The following RPL12 variants were observed in gnomAD, a reference collection of about 807,000 sequenced individuals.
RPL12 encodes ribosomal protein L12.
In RPL12, 10 loss-of-function variants were observed where a neutral mutation model predicts 24.5. The observed-to-expected ratio is 0.41, with a 90% CI of 0.25 to 0.69. The LOEUF is 0.69. RPL12 is among the 30% of genes least tolerant of loss of function. The pLI is 0.33. For missense variants in RPL12, 137 were observed against 205.3 expected, an observed-to-expected ratio of 0.67 and a Z score of 2.03; for synonymous variants, 74 against 76.1, an observed-to-expected ratio of 0.97 and a Z score of 0.14.
At chr9:127,450,910 C>G in intron 1 of RPL12, 106 bp from the exon 2 acceptor site, 1 of 895,024 alleles carries the variant, frequency 1.1e-6, no homozygotes. Flanking sequence ...CTTCTCGAAA[C>G]AGCACAGAGC....
chr9:127,449,235 T>C (rs1834226324), intron 4 of RPL12, 46 bp downstream of exon 4: 1 of 1,507,892 alleles, frequency 6.6e-7, no homozygotes, highest in Non-Finnish European at 9.2e-7. Flanking sequence ...ATATCAAACA[T>C]CTCACAAACC....
At chr9:127,451,145 G>A in intron 1 of RPL12, 136 bp downstream of exon 1, 1 of 1,207,306 alleles carries the variant, frequency 8.3e-7, no homozygotes, top group Non-Finnish European at 1.2e-6. Flanking sequence ...GCTGAGGCTT[G>A]GCCGGGGCGG....
At chr9:127,448,248 CACTG>C in intron 5 of RPL12, 85 bp downstream of exon 5, 2 of 1,160,164 alleles carry the variant, frequency 1.7e-6, no homozygotes, top group Non-Finnish European at 1.3e-6. Flanking sequence ...TCTTGGGTCT[CACTG>C]AGCACCCTTC....
chr9:127,449,136 A>C, intron 4 of RPL12, 145 bp downstream of exon 4: 1 of 635,060 alleles, frequency 1.6e-6, no homozygotes, highest in Non-Finnish European at 2.7e-6. Context: ...GCACTTTTTC[A>C]TACTACCTGG....
intron 1 of RPL12, 84 bp from the exon 2 acceptor site, chr9:127,450,888 C>T: frequency 2.9e-6 from 3 of 1,028,042 alleles, no homozygotes; most frequent in Non-Finnish European, 4.4e-6. Context: ...TTGGACACGC[C>T]ACCCTCTGCC....
chr9:127,450,427 TAC>T (rs1355113735), intron 2 of RPL12: 1 of 318,952 alleles, frequency 3.1e-6, no homozygotes, highest in African/African-American at 2.2e-5. Flanking sequence ...GACGAGGAAA[TAC>T]AGATGTTGGC....
rs563129391 is a variant in RPL12 at position 127,448,042 on chromosome 9, C to T, written c.380-53G>A. Reference sequence around the variant, plus strand: ...AGGTGCTGGCTCAGTCCCTCACAATCTGCAGATACTGGGGAATACTGAAGG... The same window carrying T: ...AGGTGCTGGCTCAGTCCCTCACAATTTGCAGATACTGGGGAATACTGAAGG... On this transcript the variant is annotated intron_variant, in intron 5 of 6. Coordinates refer to ENST00000361436, the MANE Select transcript of RPL12 (RefSeq NM_000976.4). 5.8e-6 allele frequency: 9 copies of T among 1,550,278 alleles called. No homozygotes were observed. The African/African-American group carries it at 1.1e-4, about 19-fold the overall frequency.
At position 127,451,369 on chromosome 9, in the gene RPL12, G is replaced by A. The variant is rs3808833; in HGVS notation, c.-52C>T. 4.3e-3 allele frequency: 6,839 copies of A among 1,608,932 alleles called. 197 individuals carry two copies. In the East Asian group the frequency reaches 0.074, roughly 17 times the overall value. On this transcript the variant is annotated 5_prime_UTR_variant, in exon 1 of 7. Transcript: ENST00000361436. ...CCCGGATTCGGGACGACCGAAGGAA[G>A]TTGCACCTTGGCCTCCTCCGAGCCG...
At chr9:127,449,776 A>G in intron 2 of RPL12, 68 bp from the exon 3 acceptor site, 3 of 1,234,810 alleles carry the variant, frequency 2.4e-6, no homozygotes, top group African/African-American at 1.5e-5. Flanking sequence ...CCTGCCCACC[A>G]CTTCTCACTT....
In RPL12 at chr9:127,448,422, A is replaced by T. The variant is rs1245818706; in HGVS notation, c.294T>A (p.Ile98=). 13 of 1,608,044 alleles carry T rather than the reference A, an allele frequency of 8.1e-6. No homozygotes were observed. Among genetic ancestry groups the T allele is most frequent in the Non-Finnish European group, 9.4e-6 (11 of 1,174,558 alleles). The change falls in exon 5 of 7, where the codon ATT becomes ATA. Residue 98 remains isoleucine, a splice_region_variant and synonymous_variant. Coordinates refer to ENST00000361436, the MANE Select transcript of RPL12 (RefSeq NM_000976.4). Reference sequence around the variant, plus strand: ...CAAAAGTGATATTCCCACTGTGTTTAACTGCAGAAGAGGAAACAGCAAAAG... The same window carrying T: ...CAAAAGTGATATTCCCACTGTGTTTTACTGCAGAAGAGGAAACAGCAAAAG... ...PPRDRKKQKN[I]KHSGNITFDE...
Position 127,450,716 on chromosome 9 carries a change from GA to G in RPL12, c.111+14del. On this transcript the variant is annotated intron_variant, in intron 2 of 6. Transcript: ENST00000361436. Reference sequence around the variant, plus strand: ...ACAAATGTGAAAAAAATGCCCCTTGGAGGGGATAACGTACCAGACCCAGGGG... The same window carrying G: ...ACAAATGTGAAAAAAATGCCCCTTGGGGGGATAACGTACCAGACCCAGGGG... 6.4e-7 allele frequency: 1 copy of G among 1,562,740 alleles called. No homozygotes were observed. Among genetic ancestry groups the G allele is most frequent in the Non-Finnish European group, 8.7e-7 (1 of 1,152,564 alleles).
rs771480313 is a variant in RPL12 at position 127,447,932 on chromosome 9, C to G, written c.437G>C (p.Arg146Pro). 1.9e-6 allele frequency: 3 copies of G among 1,613,558 alleles called. No individual in the cohort carries two copies. The highest frequency in any genetic ancestry group is 2.5e-6 in the Non-Finnish European group (3 of 1,179,860). The part of the protein sequence containing the change: ...AQSVGCNVDG[R>P]HPHDIIDDIN... ...GTCATCGATGATGTCATGAGGATGG[C>G]GGCCATCAACATTACAGCCCACTGA... is the stretch of plus-strand genomic sequence containing the variant. The change falls in exon 6 of 7, where the codon CGC becomes CCC. Residue 146 changes from arginine (R) to proline (P), a missense_variant. Transcript: ENST00000361436.
At chr9:127,447,834 GCC>G (rs748726806) in intron 6 of RPL12, 41 bp downstream of exon 6, 13 of 1,610,294 alleles carry the variant, frequency 8.1e-6, no homozygotes, top group Non-Finnish European at 8.5e-6. Context: ...ACACTGGGTG[GCC>G]CCCCTTTCAC....
At chr9:127,449,749 G>A (rs1361847585) in intron 2 of RPL12, 41 bp from the exon 3 acceptor site, 2 of 1,522,476 alleles carry the variant, frequency 1.3e-6, no homozygotes, top group Non-Finnish European at 1.8e-6. Flanking sequence ...GTCCAGAGGT[G>A]AACCACAGCC....
At chr9:127,450,688 G>T in intron 2 of RPL12, 43 bp downstream of exon 2, 2 of 1,451,498 alleles carry the variant, frequency 1.4e-6, no homozygotes, top group Non-Finnish European at 1.9e-6. Context: ...CGCTTAAAGT[G>T]AAACAAATGT....
intron 4 of RPL12, chr9:127,448,647 C>G: frequency 1.4e-6 from 1 of 738,730 alleles, no homozygotes; most frequent in South Asian, 1.4e-5. Flanking sequence ...AGGGCAAAAC[C>G]AAGCCTTCAC....
chr9:127,450,642 G>A (rs1834277036), intron 2 of RPL12, 89 bp downstream of exon 2: 2 of 959,386 alleles, frequency 2.1e-6, no homozygotes, highest in Non-Finnish European at 3.1e-6. Context: ...CAAGCCACGA[G>A]GGCACCTCTG....
chr9:127,450,641 A>T, intron 2 of RPL12, 90 bp downstream of exon 2: 1 of 949,068 alleles, frequency 1.1e-6, no homozygotes. Context: ...CCAAGCCACG[A>T]GGGCACCTCT....
intron 4 of RPL12, 52 bp downstream of exon 4, chr9:127,449,229 C>T: frequency 6.8e-7 from 1 of 1,477,198 alleles, no homozygotes; most frequent in Non-Finnish European, 9.4e-7. Context: ...CCACATATAT[C>T]AAACATCTCA....
Sources: gnomAD v4.1 joint callset for allele counts on GRCh38, gnomAD v4.1.1 for gene constraint, MANE v1.5 for transcripts, NCBI Gene and HGNC (gene_info 2026-07-23, HGNC 2026-07-21) for gene names.